PCDH7: variants seen among roughly 807,000 people sequenced by gnomAD.
PCDH7 encodes the protein protocadherin 7, also known as protocadherin-7.
PCDH7 carries 17 observed loss-of-function variants against 58.9 expected under a neutral mutation model. That is an observed-to-expected ratio of 0.29 (90% CI 0.20 to 0.43). The LOEUF (loss-of-function observed/expected upper bound fraction) is 0.43, where lower values mean the gene tolerates loss of function less well. Among genes scored for constraint, PCDH7 ranks in the 20% least tolerant of loss-of-function variants. The pLI, the probability that PCDH7 is intolerant of heterozygous loss-of-function variation, is 1.00. For missense variants in PCDH7, 1,274 were observed against 1,441.0 expected, an observed-to-expected ratio of 0.88 and a Z score of 1.88; for synonymous variants, 664 against 616.4, an observed-to-expected ratio of 1.08 and a Z score of -1.14.
chr4:31,028,535 A>G (rs1013561590), intron 3 of PCDH7, among the ~76,000 whole-genome samples: 4 of 152,064 alleles, frequency 2.6e-5, no homozygotes, highest in Non-Finnish European at 4.4e-5. Context: ...TACACCTGTA[A>G]TCCTAGCTAC....
At chr4:31,108,119 T>C (rs1396870269) in intron 3 of PCDH7, among the ~76,000 whole-genome samples, 1 of 152,026 alleles carries the variant, frequency 6.6e-6, no homozygotes, top group Non-Finnish European at 1.5e-5. Flanking sequence ...AAAACTTAAT[T>C]AAAATTATCT....
chr4:31,111,475 A>G (rs1365848218), intron 3 of PCDH7, among the ~76,000 whole-genome samples: 1 of 151,786 alleles, frequency 6.6e-6, no homozygotes, highest in East Asian at 1.9e-4. Flanking sequence ...CACCCAGATG[A>G]TTTTTTGTAT....
chr4:30,994,655 A>G (rs1459299932), intron 3 of PCDH7, among the ~76,000 whole-genome samples: 1 of 152,216 alleles, frequency 6.6e-6, no homozygotes, highest in African/African-American at 2.4e-5. Context: ...ATTAACATTT[A>G]GGTTTCTGTG....
At chr4:31,052,989 C>T (rs1160152138) in intron 3 of PCDH7, among the ~76,000 whole-genome samples, 10 of 152,130 alleles carry the variant, frequency 6.6e-5, no homozygotes, top group East Asian at 1.9e-4. Flanking sequence ...CTATTCGTCA[C>T]GAGTCAAATT....
intron 2 of PCDH7, among the ~76,000 whole-genome samples, chr4:30,947,582 T>G (rs1006058067): frequency 6.6e-6 from 1 of 152,196 alleles, no homozygotes; most frequent in Non-Finnish European, 1.5e-5. Context: ...ATTTCTTAAT[T>G]GTCATATAAT....
At chr4:30,749,281 T>A (rs1021261936) in intron 1 of PCDH7, among the ~76,000 whole-genome samples, 4 of 152,202 alleles carry the variant, frequency 2.6e-5, no homozygotes, top group Non-Finnish European at 5.9e-5. Flanking sequence ...CTGCTTTGAA[T>A]TCATAACTTT....
At chr4:31,088,516 C>G (rs1712782025) in intron 3 of PCDH7, among the ~76,000 whole-genome samples, 1 of 152,090 alleles carries the variant, frequency 6.6e-6, no homozygotes, top group Non-Finnish European at 1.5e-5. Flanking sequence ...TTTGTATACA[C>G]CTTCTCTCTC....
At chr4:31,115,572 T>C (rs1716895471) in intron 3 of PCDH7, among the ~76,000 whole-genome samples, 1 of 152,162 alleles carries the variant, frequency 6.6e-6, no homozygotes, top group African/African-American at 2.4e-5. Context: ...TTCACCAGTA[T>C]GGAAAACAGT....
chr4:30,847,702 G>T (rs1200024062), intron 1 of PCDH7, among the ~76,000 whole-genome samples: 1 of 152,028 alleles, frequency 6.6e-6, no homozygotes, highest in Admixed American at 6.6e-5. Context: ...TTTTATAGTG[G>T]ATTTTAATAA....
chr4:31,111,227 C>A (rs1716265692), intron 3 of PCDH7, among the ~76,000 whole-genome samples: 1 of 119,676 alleles, frequency 8.4e-6, no homozygotes, highest in African/African-American at 4.0e-5. Context: ...TTGTAATTGG[C>A]AGTTAAAAAT....
chr4:30,917,120 A>C (rs926105959), intron 1 of PCDH7, among the ~76,000 whole-genome samples: 1 of 152,134 alleles, frequency 6.6e-6, no homozygotes, highest in African/African-American at 2.4e-5. Context: ...AATAATATGA[A>C]TATTGTGTCA....
At chr4:31,096,551 C>T (rs1714013617) in intron 3 of PCDH7, among the ~76,000 whole-genome samples, 1 of 152,118 alleles carries the variant, frequency 6.6e-6, no homozygotes, top group African/African-American at 2.4e-5. Context: ...GGAGCCACAG[C>T]CTCAGAAGGT....
chr4:30,986,797 A>G (rs981215848), intron 3 of PCDH7, among the ~76,000 whole-genome samples: 1 of 152,094 alleles, frequency 6.6e-6, no homozygotes, highest in African/African-American at 2.4e-5. Flanking sequence ...CCTGGTCAAC[A>G]TGGTGACATC....
chr4:31,009,903 C>G (rs1020187319), intron 3 of PCDH7, among the ~76,000 whole-genome samples: 1 of 151,888 alleles, frequency 6.6e-6, no homozygotes. Context: ...GGAGGTAAAA[C>G]TTTTTATTGA....
At chr4:31,026,025 C>T (rs1480270135) in intron 3 of PCDH7, among the ~76,000 whole-genome samples, 1 of 152,140 alleles carries the variant, frequency 6.6e-6, no homozygotes, top group Non-Finnish European at 1.5e-5. Flanking sequence ...TAGTATGTGT[C>T]AAACAATTTA....
intron 3 of PCDH7, among the ~76,000 whole-genome samples, chr4:31,109,962 G>C (rs1198697853): frequency 1.3e-5 from 2 of 152,226 alleles, no homozygotes. Context: ...TGGTGTGAAA[G>C]AAGGTTTGTT....
intron 1 of PCDH7, among the ~76,000 whole-genome samples, chr4:30,784,864 A>T (rs1031644403): frequency 8.5e-5 from 13 of 152,188 alleles, no homozygotes; most frequent in Admixed American, 3.9e-4. Flanking sequence ...GTATTCCACA[A>T]TCTAAAATAT....
At chr4:30,832,802 T>A (rs2109331771) in intron 1 of PCDH7, among the ~76,000 whole-genome samples, 1 of 152,256 alleles carries the variant, frequency 6.6e-6, no homozygotes, top group Non-Finnish European at 1.5e-5. Context: ...GCAGTCCCTG[T>A]CTAGTGAGTA....
intron 1 of PCDH7, among the ~76,000 whole-genome samples, chr4:30,905,090 C>T (rs1740744992): frequency 1.3e-5 from 2 of 152,086 alleles, no homozygotes. Context: ...GAAAATGGAG[C>T]ATCTGTTTGA....
Sources: allele counts gnomAD v4.1 joint callset (sites outside exome capture counted in the v4.1 genomes callset), GRCh38; gene constraint gnomAD v4.1.1; transcripts MANE v1.5; gene names NCBI Gene and HGNC (gene_info 2026-07-23, HGNC 2026-07-21).